Variants in ERG observed in about 807,000 individuals in gnomAD.
ERG encodes the protein transcriptional regulator ERG.
ERG carries 9 observed loss-of-function variants against 55.3 expected under a neutral mutation model. That is an observed-to-expected ratio of 0.16 (90% CI 0.10 to 0.28). The LOEUF (loss-of-function observed/expected upper bound fraction) is 0.28, where lower values mean the gene tolerates loss of function less well. ERG is among the 10% of genes least tolerant of loss of function. The pLI, the probability that ERG is intolerant of heterozygous loss-of-function variation, is 1.00. For missense variants in ERG, 434 were observed against 631.6 expected (o/e 0.69, Z 3.35); for synonymous variants, 223 against 237.3 (o/e 0.94, Z 0.55).
At chr21:38,591,384 G>A (rs1383686865) in intron 1 of ERG, among the ~76,000 whole-genome samples, 5 of 152,202 alleles carry the variant, frequency 3.3e-5, no homozygotes, top group Admixed American at 1.3e-4. Context: ...CATAGAAGAA[G>A]TTGAGCAACA....
rs543251125 is a variant in ERG, at chr21:38,507,189, C to T, written c.-41+68473G>A. 2.6e-3 allele frequency among the ~76,000 whole-genome samples: 397 copies of T among 152,284 alleles called. 2 individuals are homozygous for T. Among genetic ancestry groups the T allele is most frequent in the African/African-American group, 9.2e-3 (383 of 41,562 alleles). ...GGAACTGAGGACCCTGAGTGCAGGG[C>T]TAACCTCTGCTTCACAGGAGGGGTC... On this transcript the variant is annotated intron_variant, in intron 2 of 8. Coordinates refer to the ERG transcript ENST00000398897.
chr21:38,575,342 G>A (rs1236322605), intron 2 of ERG, among the ~76,000 whole-genome samples: 1 of 152,114 alleles, frequency 6.6e-6, no homozygotes, highest in Non-Finnish European at 1.5e-5. Context: ...CAGCTGGCAG[G>A]CCATATGGTC....
chr21:38,437,356 G>A (rs1029606769), intron 2 of ERG, among the ~76,000 whole-genome samples: 1 of 152,196 alleles, frequency 6.6e-6, no homozygotes, highest in African/African-American at 2.4e-5. Flanking sequence ...CTGCAGGGGC[G>A]CTGCCCTGTG....
Position 38,400,751 on chromosome 21 carries a change from C to T in ERG, c.674-106G>A, listed in dbSNP as rs770830316. ...TCCCTATGACAACAAAGGGAAGAGA[C>T]CTCCTCAAACCTGCCTTAACAGAGC... On this transcript the variant is annotated intron_variant, in intron 5 of 9. Transcript: ENST00000288319. The T allele has an allele frequency of 4.0e-6, 3 of 756,566 alleles. No homozygotes were observed. In the African/African-American group the frequency reaches 5.3e-5, roughly 13 times the overall value. 46.9% of individuals were successfully genotyped at this position (756,566 alleles called of 1,614,324 possible).
chr21:38,640,206 T>C (rs2060415530), intron 1 of ERG, among the ~76,000 whole-genome samples: 1 of 152,204 alleles, frequency 6.6e-6, no homozygotes, highest in Admixed American at 6.5e-5. Context: ...AAAGTTATTG[T>C]TTTTGAAAAA....
intron 2 of ERG, among the ~76,000 whole-genome samples, chr21:38,571,471 A>G (rs1290175467): frequency 6.6e-6 from 1 of 152,104 alleles, no homozygotes; most frequent in African/African-American, 2.4e-5. Flanking sequence ...TAATCATACC[A>G]CTGCACTCCA....
At chr21:38,651,400 G>A (rs988525985) in intron 1 of ERG, among the ~76,000 whole-genome samples, 2 of 152,142 alleles carry the variant, frequency 1.3e-5, no homozygotes, top group Non-Finnish European at 2.9e-5. Context: ...TCGGCATGGT[G>A]GCCACTAGCC....
chr21:38,597,089 C>T (rs898249463), intron 1 of ERG, among the ~76,000 whole-genome samples: 1 of 152,136 alleles, frequency 6.6e-6, no homozygotes, highest in South Asian at 2.1e-4. Flanking sequence ...GGGCTGTGGC[C>T]CACTCTGGAG....
chr21:38,638,651 G>T (rs1430842813), intron 1 of ERG, among the ~76,000 whole-genome samples: 3 of 152,182 alleles, frequency 2.0e-5, no homozygotes, highest in Non-Finnish European at 4.4e-5. Flanking sequence ...GCCAGAGGAT[G>T]GGGGGAGTCA....
At chr21:38,501,239 T>A (rs2059419208), upstream of ERG, among the ~76,000 whole-genome samples, 1 of 151,720 alleles carries the variant, frequency 6.6e-6, no homozygotes, top group Non-Finnish European at 1.5e-5. Flanking sequence ...CTAATTTTTT[T>A]TGTATTTTTA....
At chr21:38,515,329 A>T (rs557421029) in intron 2 of ERG, among the ~76,000 whole-genome samples, 1 of 152,034 alleles carries the variant, frequency 6.6e-6, no homozygotes, top group Admixed American at 6.6e-5. Context: ...ACCTAGAGGA[A>T]ATGGATACAT....
intron 1 of ERG, among the ~76,000 whole-genome samples, chr21:38,482,158 G>C (rs1314061752): frequency 6.6e-6 from 1 of 152,210 alleles, no homozygotes; most frequent in Non-Finnish European, 1.5e-5. Flanking sequence ...GCACTCATTA[G>C]ATTCTGGGCA....
intron 2 of ERG, among the ~76,000 whole-genome samples, chr21:38,549,198 G>C (rs185034881): frequency 3.3e-5 from 5 of 152,206 alleles, no homozygotes; most frequent in Admixed American, 3.3e-4. Context: ...TCCGGGATTG[G>C]GGCACAGGTA....
chr21:38,660,886 C>G (rs372498914), intron 1 of ERG, among the ~76,000 whole-genome samples: 2 of 152,034 alleles, frequency 1.3e-5, no homozygotes, highest in East Asian at 3.9e-4. Context: ...TGTGGGTGTG[C>G]TCGCGTGTCC....
chr21:38,524,511 C>T (rs889168851), intron 2 of ERG, among the ~76,000 whole-genome samples: 3 of 152,192 alleles, frequency 2.0e-5, no homozygotes, highest in Non-Finnish European at 4.4e-5. Context: ...CCTCAGACAT[C>T]CAAACCAGTA....
intron 2 of ERG, among the ~76,000 whole-genome samples, chr21:38,529,192 C>T (rs1184579680): frequency 2.0e-5 from 3 of 152,124 alleles, no homozygotes; most frequent in African/African-American, 7.2e-5. Context: ...TGGTGTTTAG[C>T]AGGGCATAAA....
chr21:38,606,723 T>C (rs2060198987), intron 1 of ERG, among the ~76,000 whole-genome samples: 1 of 152,100 alleles, frequency 6.6e-6, no homozygotes. Context: ...GAAATAAAAA[T>C]TTAATAGACT....
At chr21:38,409,956 C>G (rs890903262) in intron 3 of ERG, among the ~76,000 whole-genome samples, 1 of 152,122 alleles carries the variant, frequency 6.6e-6, no homozygotes, top group Admixed American at 6.5e-5. Context: ...ATCCAAATAC[C>G]CACATTGGGA....
At chr21:38,651,809 G>A (rs1404409093) in intron 1 of ERG, among the ~76,000 whole-genome samples, 1 of 152,154 alleles carries the variant, frequency 6.6e-6, no homozygotes, top group Non-Finnish European at 1.5e-5. Flanking sequence ...CCCATGGGTG[G>A]ATCTCAGCAT....
Sources: gnomAD v4.1 joint callset for allele counts (sites outside exome capture counted in the v4.1 genomes callset) on GRCh38, gnomAD v4.1.1 for gene constraint, MANE v1.5 for transcripts, NCBI Gene and HGNC (gene_info 2026-07-23, HGNC 2026-07-21) for gene names.